MATN4: variants seen among roughly 807,000 people sequenced by gnomAD.
The protein encoded by MATN4 is matrilin-4.
Under a neutral mutation model 54.6 loss-of-function variants are expected in MATN4, and 40 were observed. The ratio of observed to expected loss-of-function variants is 0.73; its 90% CI spans 0.57 to 0.95. The LOEUF (loss-of-function observed/expected upper bound fraction) is 0.95. MATN4 is among the 40% of genes least tolerant of loss of function. The pLI is 0.00. For missense variants in MATN4, 810 were observed against 819.1 expected, an observed-to-expected ratio of 0.99 and a Z score of 0.13; for synonymous variants, 351 against 345.3, an observed-to-expected ratio of 1.02 and a Z score of -0.18.
Position 45,308,183 on chromosome 20 carries a change from G to A in MATN4, c.-43C>T. The A allele has an allele frequency of 5.6e-6, 9 of 1,614,094 alleles. No homozygotes were observed. The highest frequency in any genetic ancestry group is 6.8e-6 in the Non-Finnish European group (8 of 1,179,946). On this transcript the variant is annotated 5_prime_UTR_variant, in exon 1 of 10. Coordinates refer to ENST00000372756, the MANE Select transcript of MATN4 (RefSeq NM_001393530.1). ...CCAATCCTTTGACTCACCTGAGCCT[G>A]CAGGACAGATCAGAGATGCAGCTGC...
intron 3 of MATN4, among the ~76,000 whole-genome samples, chr20:45,303,725 A>G (rs1442254837): frequency 6.6e-6 from 1 of 152,188 alleles, no homozygotes; most frequent in Non-Finnish European, 1.5e-5. Flanking sequence ...AAGAGGAGAC[A>G]CTCAATTAGA....
intron 8 of MATN4, among the ~76,000 whole-genome samples, chr20:45,297,495 G>A (rs1985917725): frequency 6.6e-6 from 1 of 151,980 alleles, no homozygotes; most frequent in South Asian, 2.1e-4. Flanking sequence ...ACTTTGCCAA[G>A]TTCATAAGGT....
At position 45,293,608 on chromosome 20, in the gene MATN4, G is replaced by A; in HGVS notation, c.*159C>T. 3.1e-6 allele frequency: 2 copies of A among 636,278 alleles called. No individual in the cohort carries two copies. Among genetic ancestry groups the A allele is most frequent in the Non-Finnish European group, 2.6e-6 (1 of 389,602 alleles). The allele number at this position is 636,278 out of a possible 1,614,324, so 39.4% of individuals were successfully genotyped here. A position where few individuals can be genotyped will look rare whatever the true frequency, so the allele number is the denominator to read the frequency against. ...GCAGTCCGCCTAATGGTCCGGGCGA[G>A]GCCAACTCAGCTCAATGCCGGAAGC... On this transcript the variant is annotated 3_prime_UTR_variant, in exon 10 of 10. Coordinates refer to ENST00000372756, the MANE Select transcript of MATN4 (RefSeq NM_001393530.1).
At chr20:45,307,000 C>T (rs867575973) in intron 1 of MATN4, 14 of 1,022,188 alleles carry the variant, frequency 1.4e-5, no homozygotes, top group Non-Finnish European at 1.8e-5. Flanking sequence ...TACGAAGGAC[C>T]ACCCCCCCAC....
intron 1 of MATN4, among the ~76,000 whole-genome samples, 195 bp from the exon 2 acceptor site, chr20:45,305,811 T>TTTTTTTTTA (rs1986610709): frequency 9.0e-6 from 1 of 111,104 alleles, no homozygotes; most frequent in Non-Finnish European, 1.8e-5. Flanking sequence ...GATTCTTTTT[T>TTTTTTTTTA]TTTTTTTTTT....
intron 1 of MATN4, among the ~76,000 whole-genome samples, 186 bp from the exon 2 acceptor site, chr20:45,305,802 A>ATTATTTTTTTTTTT (rs1050722306): frequency 8.2e-5 from 1 of 12,170 alleles, no homozygotes; most frequent in Non-Finnish European, 1.7e-4. Flanking sequence ...AACACAAGAG[A>ATTATTTTTTTTTTT]TTCTTTTTTT....
chr20:45,305,419 T>C, intron 2 of MATN4, 91 bp downstream of exon 2: 1 of 999,788 alleles, frequency 1.0e-6, no homozygotes, highest in Non-Finnish European at 1.5e-6. Context: ...AAGCCCTTGC[T>C]TCCCTCTCCC....
chr20:45,296,607 A>C (rs1416661765), intron 8 of MATN4, among the ~76,000 whole-genome samples: 1 of 152,038 alleles, frequency 6.6e-6, no homozygotes, highest in South Asian at 2.1e-4. Context: ...TACCGAAGAG[A>C]AAAGTTAAGG....
Position 45,297,899 on chromosome 20 carries a change from C to T in MATN4, c.1579+19G>A, listed in dbSNP as rs1488299474. ...CGGGCAATGAGAGAGAGGAGGAGCC[C>T]CGAGAGAGATGCGCTCACCTGGACA... On this transcript the variant is annotated intron_variant, in intron 8 of 9. Coordinates refer to ENST00000372756, the MANE Select transcript of MATN4 (RefSeq NM_001393530.1). 6.2e-7 allele frequency: 1 copy of T among 1,613,704 alleles called. No individual in the cohort carries two copies. The highest frequency in any genetic ancestry group is 1.7e-5 in the Admixed American group (1 of 60,006).
intron 1 of MATN4, among the ~76,000 whole-genome samples, chr20:45,306,360 A>G (rs1374770097): frequency 2.0e-5 from 3 of 152,158 alleles, no homozygotes; most frequent in African/African-American, 7.2e-5. Flanking sequence ...GCAGGATACA[A>G]TCCCACGCCT....
chr20:45,299,747 G>A (rs1165922791), intron 6 of MATN4, among the ~76,000 whole-genome samples: 1 of 151,816 alleles, frequency 6.6e-6, no homozygotes, highest in Admixed American at 6.6e-5. Context: ...GCATGGTGGG[G>A]CACACCTGTA....
rs547130500 is a variant in MATN4 at position 45,303,443 on chromosome 20, G to A, written c.643+785C>T. The A allele has an allele frequency of 2.3e-4, 163 of 717,256 alleles. No homozygotes were observed. In the African/African-American group the frequency reaches 2.6e-3, roughly 12 times the overall value. The allele number at this position is 717,256 out of a possible 1,614,324, so 44.4% of individuals were successfully genotyped here. A position where few individuals can be genotyped will look rare whatever the true frequency, so the allele number is the denominator to read the frequency against. Reference sequence around the variant, plus strand: ...TTGTAGCCTGGGTTGCAGGTGCAGTGGAACATGGCCCAGGCATTGACACAT... The same window carrying A: ...TTGTAGCCTGGGTTGCAGGTGCAGTAGAACATGGCCCAGGCATTGACACAT... On this transcript the variant is annotated intron_variant, in intron 3 of 9. Coordinates refer to ENST00000372756, the MANE Select transcript of MATN4 (RefSeq NM_001393530.1).
At position 45,298,219 on chromosome 20, in the gene MATN4, G is replaced by T. The variant is rs2145646712; in HGVS notation, c.1377C>A (p.Gly459=). The T allele has an allele frequency of 6.2e-7, 1 of 1,605,450 alleles. No individual in the cohort carries two copies. The highest frequency in any genetic ancestry group is 2.2e-5 in the East Asian group (1 of 44,638). The change falls in exon 7 of 10, where the codon GGC becomes GGA. Residue 459 remains glycine, a synonymous_variant. Transcript: ENST00000372756. The surrounding 1 kb of genome is among the most constrained non-coding windows in gnomAD (Gnocchi z 4.6). ...VPRVGLVFTD[G]RSQDDISVWA... ...ACACCGAGATGTCATCCTGGGAGCG[G>T]CCATCCGTGAAGACCAGGCCAACAC...
Position 45,304,410 on chromosome 20 carries a change from A to T in MATN4, c.461T>A (p.Val154Glu). ...IVTDGRPQDR[V>E]AEVAAQARAR... Reference sequence around the variant, plus strand: ...GCGCGCCTGTGCCGCCACCTCGGCCACGCGGTCCTGGGGCCGCCCGTCTGT... The same window carrying T: ...GCGCGCCTGTGCCGCCACCTCGGCCTCGCGGTCCTGGGGCCGCCCGTCTGT... The change falls in exon 3 of 10, where the codon GTG (valine) becomes GAG (glutamate). Residue 154 changes from valine (V) to glutamate (E), a missense_variant. Val to Glu is a moderately radical substitution (Grantham distance 121, BLOSUM62 -2). Coordinates refer to ENST00000372756, the MANE Select transcript of MATN4 (RefSeq NM_001393530.1). 2.0e-6 allele frequency: 3 copies of T among 1,508,560 alleles called. No homozygotes were observed. Among genetic ancestry groups the T allele is most frequent in the Non-Finnish European group, 2.7e-6 (3 of 1,128,394 alleles). The allele number at this position is 1,508,560 out of a possible 1,614,324, so 93.4% of individuals were successfully genotyped here.
rs774889540 is a variant in MATN4 at position 45,298,192 on chromosome 20, C to G, written c.1404G>C (p.Trp468Cys). 3.1e-6 allele frequency: 5 copies of G among 1,600,540 alleles called. No homozygotes were observed. In the South Asian group the frequency reaches 4.4e-5, roughly 14 times the overall value. ...DGRSQDDISV[W>C]AARAKEEGIV... ...CACCTTCCTCCTTGGCGCGCGCTGCCCACACCGAGATGTCATCCTGGGAGC... is the reference window on the plus strand; with the variant it reads ...CACCTTCCTCCTTGGCGCGCGCTGCGCACACCGAGATGTCATCCTGGGAGC... The change falls in exon 7 of 10, where the codon TGG becomes TGC. Residue 468 changes from tryptophan (W) to cysteine (C), a missense_variant. Coordinates refer to ENST00000372756, the MANE Select transcript of MATN4 (RefSeq NM_001393530.1). The surrounding 1 kb of genome is among the most constrained non-coding windows in gnomAD (Gnocchi z 4.6).
chr20:45,308,344 G>C (rs1806749864), upstream of MATN4: 2 of 835,750 alleles, frequency 2.4e-6, no homozygotes, highest in Non-Finnish European at 4.0e-6. Flanking sequence ...GGGCTGGCGG[G>C]TGGGGAGGGG....
intron 8 of MATN4, among the ~76,000 whole-genome samples, chr20:45,296,479 G>A (rs1212888516): frequency 6.6e-6 from 1 of 152,122 alleles, no homozygotes; most frequent in Non-Finnish European, 1.5e-5. Flanking sequence ...CTAAACAAAG[G>A]GTTGGAGACA....
chr20:45,304,329 A>AG lies in MATN4; in HGVS notation c.541dup (p.Leu181ProfsTer37). The AG allele has an allele frequency of 6.6e-7, 1 of 1,518,824 alleles. No individual in the cohort carries two copies. 94.1% of individuals were successfully genotyped at this position (1,518,824 alleles called of 1,614,324 possible). A position where few individuals can be genotyped will look rare whatever the true frequency, so the allele number is the denominator to read the frequency against. Reference sequence around the variant, plus strand: ...TAGCGGGGGCGATGCCATGGCGCGCAGGGAGCCCACGTCCGCGCGCTGCAC... The same window carrying AG: ...TAGCGGGGGCGATGCCATGGCGCGCAGGGGAGCCCACGTCCGCGCGCTGCAC... On this transcript the variant is annotated frameshift_variant, in exon 3 of 10. Transcript: ENST00000372756. LOFTEE classifies it high-confidence loss of function.
intron 1 of MATN4, among the ~76,000 whole-genome samples, chr20:45,307,571 G>A (rs1325628538): frequency 2.0e-5 from 3 of 152,154 alleles, no homozygotes; most frequent in African/African-American, 4.8e-5. Flanking sequence ...TTTCCTACCC[G>A]GAGATGCCTC....
Sources: allele counts gnomAD v4.1 joint callset (sites outside exome capture counted in the v4.1 genomes callset), GRCh38; gene constraint gnomAD v4.1.1; non-coding constraint Gnocchi (gnomAD v3.1); transcripts MANE v1.5; gene names NCBI Gene and HGNC (gene_info 2026-07-23, HGNC 2026-07-21).